MYO3B: variants seen among roughly 807,000 people sequenced by gnomAD.
MYO3B encodes myosin-IIIb.
In MYO3B, 156 loss-of-function variants were observed where a neutral mutation model predicts 174.6. The ratio of observed to expected loss-of-function variants is 0.89; its 90% CI spans 0.78 to 1.02. The LOEUF (loss-of-function observed/expected upper bound fraction) is 1.02, where lower values mean the gene tolerates loss of function less well. Ranked by LOEUF, MYO3B falls within the 50% of genes least tolerant of loss-of-function variation. The probability of loss-of-function intolerance (pLI) is 0.00; values close to 1 mark genes in which losing one functional copy is unlikely to be tolerated. For missense variants in MYO3B, 1,632 were observed against 1,639.4 expected, an observed-to-expected ratio of 1.00 and a Z score of 0.08; for synonymous variants, 563 against 569.1, an observed-to-expected ratio of 0.99 and a Z score of 0.15.
chr2:170,403,030 G>T, intron 19 of MYO3B, 35 bp downstream of exon 19: 1 of 1,535,918 alleles, frequency 6.5e-7, no homozygotes, highest in South Asian at 1.2e-5. Context: ...AAACTTGATG[G>T]GGAAAAGGTG....
At chr2:170,321,322 G>A (rs759105179) in intron 7 of MYO3B, among the ~76,000 whole-genome samples, 19 of 152,112 alleles carry the variant, frequency 1.2e-4, no homozygotes, top group Non-Finnish European at 2.5e-4. Flanking sequence ...AATTACTGAA[G>A]CAGAATGTAG....
At chr2:170,417,038 A>G (rs2094585186) in intron 22 of MYO3B, among the ~76,000 whole-genome samples, 1 of 152,012 alleles carries the variant, frequency 6.6e-6, no homozygotes, top group Non-Finnish European at 1.5e-5. Context: ...TGCGTTAGCC[A>G]GCATCTCAAT....
rs148459431 is a variant in MYO3B, at chr2:170,378,228, G to T, written c.972-3788G>T. Among the ~76,000 whole-genome samples the T allele has an allele frequency of 6.1e-4, 93 of 152,162 alleles. No individual in the cohort carries two copies. In the South Asian group the frequency reaches 0.011, roughly 18 times the overall value. ...GAAATAAATAATGCTTTTTCTCTAC[G>T]ATAGACCCTCCAAACCCCATAGCCA... On this transcript the variant is annotated intron_variant, in intron 9 of 34. Transcript: ENST00000408978.
At position 170,229,859 on chromosome 2, in the gene MYO3B, G is replaced by GA. The variant is rs904156020; in HGVS notation, c.604-6130dup. 3.9e-5 allele frequency among the ~76,000 whole-genome samples: 6 copies of GA among 152,274 alleles called. No homozygotes were observed. In the East Asian group the frequency reaches 1.2e-3, roughly 29 times the overall value. Reference sequence around the variant, plus strand: ...CCAAGTCTTTGTGCAAGAGAGGGTGGAACTCACTCCTATCTTGGTAACTTT... The same window carrying GA: ...CCAAGTCTTTGTGCAAGAGAGGGTGGAAACTCACTCCTATCTTGGTAACTTT... On this transcript the variant is annotated intron_variant, in intron 6 of 34. Coordinates refer to ENST00000408978, the MANE Select transcript of MYO3B (RefSeq NM_138995.5).
chr2:170,612,784 G>A (rs1173742687), intron 32 of MYO3B, among the ~76,000 whole-genome samples: 1 of 152,280 alleles, frequency 6.6e-6, no homozygotes, highest in South Asian at 2.1e-4. Context: ...CTAGAGAGAG[G>A]CTTTGTTAAA....
At chr2:170,465,810 G>A (rs546225948) in intron 24 of MYO3B, among the ~76,000 whole-genome samples, 1 of 152,210 alleles carries the variant, frequency 6.6e-6, no homozygotes, top group East Asian at 1.9e-4. Flanking sequence ...TGAAATAATG[G>A]AACTGAGTTC....
At chr2:170,385,359 C>T (rs946249276) in intron 12 of MYO3B, among the ~76,000 whole-genome samples, 2 of 152,150 alleles carry the variant, frequency 1.3e-5, no homozygotes, top group South Asian at 4.1e-4. Context: ...AGGGGGCTCA[C>T]CTTGAACCAC....
rs191065428 is a variant in MYO3B at position 170,636,177 on chromosome 2, A to G, written c.3734-15451A>G. 6.1e-4 allele frequency among the ~76,000 whole-genome samples: 93 copies of G among 152,300 alleles called. 1 individual carries two copies. Among genetic ancestry groups the G allele is most frequent in the African/African-American group, 2.1e-3 (89 of 41,562 alleles). Reference sequence around the variant, plus strand: ...TACGATCTCTCGCCACTATCAAAGTATAAGAGTTTGTTGGCCATACACTTG... The same window carrying G: ...TACGATCTCTCGCCACTATCAAAGTGTAAGAGTTTGTTGGCCATACACTTG... On this transcript the variant is annotated intron_variant, in intron 32 of 34. Transcript: ENST00000408978.
chr2:170,376,083 G>A (rs1424923941), intron 9 of MYO3B, among the ~76,000 whole-genome samples: 2 of 152,046 alleles, frequency 1.3e-5, no homozygotes, highest in East Asian at 1.9e-4. Flanking sequence ...TGGCCAAAAC[G>A]GTGCTTAGAT....
intron 32 of MYO3B, among the ~76,000 whole-genome samples, chr2:170,621,436 T>A (rs1331146041): frequency 6.6e-6 from 1 of 152,168 alleles, no homozygotes; most frequent in Admixed American, 6.5e-5. Context: ...TTCACACATA[T>A]TTTAAGCTCC....
chr2:170,335,501 T>A (rs1243479747), intron 8 of MYO3B, 51 bp downstream of exon 8: 2 of 1,401,092 alleles, frequency 1.4e-6, no homozygotes, highest in Admixed American at 3.5e-5. Flanking sequence ...CCTTGAGCAG[T>A]GATTGGAGAA....
chr2:170,652,183 A>AG, intron 34 of MYO3B, 29 bp downstream of exon 34: 1 of 1,602,384 alleles, frequency 6.2e-7, no homozygotes, highest in Middle Eastern at 1.7e-4. Flanking sequence ...AGTTCTAAGC[A>AG]ACTGTAAACA....
intron 7 of MYO3B, among the ~76,000 whole-genome samples, chr2:170,316,046 T>G (rs1481463279): frequency 1.3e-5 from 2 of 152,244 alleles, no homozygotes; most frequent in South Asian, 2.1e-4. Flanking sequence ...GTGGATTATT[T>G]TTTACTGGCA....
chr2:170,277,146 T>C (rs907449094), intron 7 of MYO3B, among the ~76,000 whole-genome samples: 6 of 152,200 alleles, frequency 3.9e-5, no homozygotes, highest in African/African-American at 1.4e-4. Context: ...CTCTGTTTGC[T>C]GTTGGTCAAA....
intron 22 of MYO3B, among the ~76,000 whole-genome samples, chr2:170,435,764 A>G (rs1280184543): frequency 6.6e-6 from 1 of 152,210 alleles, no homozygotes. Flanking sequence ...AGAAAATTAA[A>G]ATCGGAAAAT....
At chr2:170,347,732 G>A (rs1045585909) in intron 8 of MYO3B, among the ~76,000 whole-genome samples, 19 of 152,222 alleles carry the variant, frequency 1.2e-4, no homozygotes, top group African/African-American at 3.9e-4. Context: ...GTGTGCATGC[G>A]TGAATATGTG....
intron 7 of MYO3B, among the ~76,000 whole-genome samples, chr2:170,239,050 A>G (rs1336220092): frequency 6.6e-6 from 1 of 152,194 alleles, no homozygotes; most frequent in Non-Finnish European, 1.5e-5. Context: ...CATCTCGTCT[A>G]ACGCCTTTGC....
intron 8 of MYO3B, chr2:170,341,019 A>G (rs1340006522): frequency 1.3e-5 from 2 of 152,170 alleles, no homozygotes; most frequent in Non-Finnish European, 2.9e-5. Flanking sequence ...CCTCTAAATG[A>G]CATTCAAATG....
chr2:170,273,277 C>T (rs113214268), intron 7 of MYO3B, among the ~76,000 whole-genome samples: 5,825 of 152,094 alleles, frequency 0.038, 142 homozygotes, highest in Middle Eastern at 0.058. Flanking sequence ...CTGGAGCAAC[C>T]CACCTGCATT....
Sources: gnomAD v4.1 joint callset for allele counts (sites outside exome capture counted in the v4.1 genomes callset) on GRCh38, gnomAD v4.1.1 for gene constraint, MANE v1.5 for transcripts, NCBI Gene and HGNC (gene_info 2026-07-23, HGNC 2026-07-21) for gene names.